The following MALRD1 variants were observed in gnomAD, a reference collection of about 807,000 sequenced individuals.
MALRD1 encodes the protein MAM and LDL receptor class A domain containing 1.
In MALRD1, 247 loss-of-function variants were observed where a neutral mutation model predicts 242.1. That is an observed-to-expected ratio of 1.02 (90% CI 0.92 to 1.13). MALRD1 has a LOEUF of 1.13. Among genes scored for constraint, MALRD1 ranks in the 50% most tolerant of loss-of-function variants. MALRD1 has a pLI of 0.00. For missense variants in MALRD1, 2,989 were observed against 2,533.1 expected (o/e 1.18, Z -3.86); for synonymous variants, 995 against 866.6 (o/e 1.15, Z -2.60).
At chr10:19,454,131 T>G (rs555421112) in intron 29 of MALRD1, among the ~76,000 whole-genome samples, 2 of 149,582 alleles carry the variant, frequency 1.3e-5, no homozygotes, top group East Asian at 3.9e-4. Context: ...TTTTCCTAAG[T>G]CCTCACACAA....
At chr10:19,509,847 C>T (rs537434413) in intron 31 of MALRD1, among the ~76,000 whole-genome samples, 6 of 152,060 alleles carry the variant, frequency 3.9e-5, no homozygotes, top group African/African-American at 1.2e-4. Context: ...GGGTGTTTCT[C>T]GTCAGGTGGA....
At chr10:19,706,509 C>A (rs569395692) in intron 38 of MALRD1, among the ~76,000 whole-genome samples, 54 of 152,058 alleles carry the variant, frequency 3.6e-4, no homozygotes, top group African/African-American at 1.2e-3. Flanking sequence ...TGCCACCACG[C>A]CTGGCTAATT....
intron 26 of MALRD1, among the ~76,000 whole-genome samples, chr10:19,367,574 A>G (rs1230312921): frequency 6.6e-6 from 1 of 152,144 alleles, no homozygotes; most frequent in Non-Finnish European, 1.5e-5. Context: ...TGCAGTAGAC[A>G]TAAGAGTGCA....
rs1029726923 is a variant in MALRD1, at chr10:19,128,510, G to C, written c.1110+123G>C. On this transcript the variant is annotated intron_variant, in intron 8 of 39. Transcript: ENST00000454679. ...TTATTCTTTAACTTGACTTTACTTG[G>C]TATACTTTTAAAAAGAATGATTAAG... 7.0e-6 allele frequency: 4 copies of C among 569,674 alleles called. No individual in the cohort carries two copies. In the African/African-American group the frequency reaches 7.7e-5, roughly 11 times the overall value. 35.3% of individuals were successfully genotyped at this position (569,674 alleles called of 1,614,324 possible).
At chr10:19,181,891 A>G (rs1051002813) in intron 14 of MALRD1, among the ~76,000 whole-genome samples, 5 of 152,184 alleles carry the variant, frequency 3.3e-5, no homozygotes, top group Admixed American at 1.3e-4. Flanking sequence ...AGCTTAGTCT[A>G]TTAGGTAAGA....
At chr10:19,094,104 C>T (rs1835923789) in intron 4 of MALRD1, among the ~76,000 whole-genome samples, 1 of 110,770 alleles carries the variant, frequency 9.0e-6, no homozygotes, top group Admixed American at 9.7e-5. Flanking sequence ...CCTCCTTGAG[C>T]TGTGGTGGGC....
intron 28 of MALRD1, among the ~76,000 whole-genome samples, chr10:19,446,296 A>G (rs1834976276): frequency 6.6e-6 from 1 of 152,114 alleles, no homozygotes; most frequent in Non-Finnish European, 1.5e-5. Flanking sequence ...CCACTGTCCA[A>G]CAAGCCCCAG....
Position 19,498,652 on chromosome 10 carries a change from T to TGG in MALRD1, c.5320+6_5320+7insGG. ...AGACTCTGATCACACGCCAGGTAAA[T>TGG]CTAGTAGCCATCCCCAGACCAAGAA... On this transcript the variant is annotated splice_region_variant and intron_variant, in intron 31 of 39. Transcript: ENST00000454679. 6.5e-7 allele frequency: 1 copy of TGG among 1,545,956 alleles called. No homozygotes were observed. The highest frequency in any genetic ancestry group is 2.5e-5 in the East Asian group (1 of 40,782).
At chr10:19,512,173 A>C (rs1302739471) in intron 31 of MALRD1, among the ~76,000 whole-genome samples, 16 of 152,254 alleles carry the variant, frequency 1.1e-4, no homozygotes, top group African/African-American at 3.9e-4. Context: ...TAGATCATGA[A>C]AAATGTGGTT....
intron 20 of MALRD1, among the ~76,000 whole-genome samples, chr10:19,281,449 G>C (rs1468599909): frequency 2.6e-5 from 4 of 152,142 alleles, no homozygotes; most frequent in African/African-American, 9.7e-5. Flanking sequence ...TATGATTAGA[G>C]GGGAAGTTTT....
intron 36 of MALRD1, among the ~76,000 whole-genome samples, chr10:19,643,649 A>T (rs956166706): frequency 1.2e-4 from 18 of 152,200 alleles, no homozygotes; most frequent in Admixed American, 9.2e-4. Context: ...GATGAAATTA[A>T]AGTGTAGACA....
chr10:19,499,089 A>G (rs1004076359), intron 31 of MALRD1, among the ~76,000 whole-genome samples: 2 of 152,176 alleles, frequency 1.3e-5, no homozygotes, highest in Non-Finnish European at 2.9e-5. Flanking sequence ...GCCAAAGTGT[A>G]AAATGGTAAG....
At chr10:19,219,191 G>T (rs1837456948) in intron 18 of MALRD1, among the ~76,000 whole-genome samples, 1 of 152,076 alleles carries the variant, frequency 6.6e-6, no homozygotes, top group Non-Finnish European at 1.5e-5. Context: ...ATGGTCTCAT[G>T]AAGGAGAATA....
intron 28 of MALRD1, among the ~76,000 whole-genome samples, chr10:19,412,042 C>T (rs1833296220): frequency 6.6e-6 from 1 of 152,156 alleles, no homozygotes; most frequent in Non-Finnish European, 1.5e-5. Flanking sequence ...CTCACACCTG[C>T]AATCCCAGCA....
intron 33 of MALRD1, among the ~76,000 whole-genome samples, chr10:19,570,597 A>G (rs891597529): frequency 1.3e-5 from 2 of 152,020 alleles, no homozygotes; most frequent in African/African-American, 2.4e-5. Context: ...CCTATGTCAT[A>G]TAATAGCCAA....
chr10:19,588,818 T>G (rs1175667566), intron 33 of MALRD1, among the ~76,000 whole-genome samples: 1 of 152,140 alleles, frequency 6.6e-6, no homozygotes, highest in East Asian at 1.9e-4. Context: ...AATTTTTGTA[T>G]TTTTAGTAGA....
chr10:19,270,774 C>T (rs901027459), intron 19 of MALRD1, among the ~76,000 whole-genome samples: 4 of 148,358 alleles, frequency 2.7e-5, no homozygotes, highest in Non-Finnish European at 5.9e-5. Context: ...AAAACTTTTT[C>T]AGGAAAGAGG....
intron 36 of MALRD1, among the ~76,000 whole-genome samples, chr10:19,678,013 G>T (rs1842207599): frequency 6.6e-6 from 1 of 152,056 alleles, no homozygotes; most frequent in African/African-American, 2.4e-5. Flanking sequence ...TCTAGATTCT[G>T]TTCCATTGGT....
chr10:19,425,468 A>T (rs749633391), intron 28 of MALRD1, among the ~76,000 whole-genome samples: 5 of 152,000 alleles, frequency 3.3e-5, no homozygotes, highest in African/African-American at 1.2e-4. Flanking sequence ...GTATACATGG[A>T]TCCATACCCA....
Sources: gnomAD v4.1 joint callset for allele counts (sites outside exome capture counted in the v4.1 genomes callset) on GRCh38, gnomAD v4.1.1 for gene constraint, MANE v1.5 for transcripts, NCBI Gene and HGNC (gene_info 2026-07-23, HGNC 2026-07-21) for gene names.